Variants in ESYT3 observed in about 807,000 individuals in gnomAD.
ESYT3 encodes extended synaptotagmin-3.
Under a neutral mutation model 111.5 loss-of-function variants are expected in ESYT3, and 101 were observed. The observed-to-expected ratio is 0.91, with a 90% CI of 0.77 to 1.07. The LOEUF (loss-of-function observed/expected upper bound fraction) is 1.07. Ranked by LOEUF, ESYT3 falls within the 50% of genes least tolerant of loss-of-function variation. The pLI is 0.00. For missense variants in ESYT3, 1,097 were observed against 1,109.4 expected (o/e 0.99, Z 0.16); for synonymous variants, 416 against 446.8 (o/e 0.93, Z 0.87).
At position 138,459,227 on chromosome 3, in the gene ESYT3, A is replaced by G; in HGVS notation, c.622A>G (p.Ile208Val). The G allele has an allele frequency of 3.2e-6, 5 of 1,561,228 alleles. No homozygotes were observed. The highest frequency in any genetic ancestry group is 4.4e-6 in the Non-Finnish European group (5 of 1,147,144). The change falls in exon 5 of 23, where the codon ATT (isoleucine) becomes GTT (valine). Residue 208 changes from isoleucine to valine, a missense_variant. By Grantham distance (29) the Ile-to-Val change is conservative. Coordinates refer to ENST00000389567, the MANE Select transcript of ESYT3 (RefSeq NM_031913.5). ...TGAGATCAGTGTGGAGCTGCAGAAG[A>G]TTCAGGCTGGTGTGAACGGGATCCA... ...DCEISVELQK[I>V]QAGVNGIQLQ...
chr3:138,475,187 C>T (rs1213402924), intron 20 of ESYT3, among the ~76,000 whole-genome samples: 3 of 152,144 alleles, frequency 2.0e-5, no homozygotes, highest in African/African-American at 7.2e-5. Context: ...GCATCCTATA[C>T]TCTAGAGCCA....
rs1392773940 is a variant in ESYT3, at chr3:138,435,420, G to A, written c.327+295G>A. On this transcript the variant is annotated intron_variant, in intron 1 of 22. Coordinates refer to ENST00000389567, the MANE Select transcript of ESYT3 (RefSeq NM_031913.5). The surrounding 1 kb of genome is among the most constrained non-coding windows in gnomAD (Gnocchi z 4.8). ...GAAGAGTCACGGGCAGACCACACCC[G>A]GGAGAAAAACAAGGGCGTCTGGGAC... Among the ~76,000 whole-genome samples, 4 of 152,192 alleles carry A rather than the reference G, an allele frequency of 2.6e-5. No individual in the cohort carries two copies. The highest frequency in any genetic ancestry group is 9.6e-5 in the African/African-American group (4 of 41,452).
chr3:138,443,747 T>TGTGTGTGTGC (rs2108594894), intron 1 of ESYT3, among the ~76,000 whole-genome samples: 1 of 149,594 alleles, frequency 6.7e-6, no homozygotes, highest in African/African-American at 2.5e-5. Flanking sequence ...TGTGTGTGTG[T>TGTGTGTGTGC]GTGTGTGTGA....
chr3:138,461,740 G>A (rs1576451141), intron 7 of ESYT3, among the ~76,000 whole-genome samples: 2 of 152,310 alleles, frequency 1.3e-5, no homozygotes, highest in South Asian at 4.1e-4. Flanking sequence ...AGAGGTTAGC[G>A]ACTTGCCAAG....
At chr3:138,453,804 C>T (rs894185712) in intron 2 of ESYT3, among the ~76,000 whole-genome samples, 2 of 152,176 alleles carry the variant, frequency 1.3e-5, no homozygotes, top group Admixed American at 6.5e-5. Flanking sequence ...AAGCAGCAAC[C>T]TGCTTCTTCC....
Position 138,472,844 on chromosome 3 carries a change from T to C in ESYT3, c.2222T>C (p.Ile741Thr), listed in dbSNP as rs768909361. The change falls in exon 18 of 23, where the codon ATC becomes ACC. Residue 741 changes from isoleucine (I) to threonine (T), a missense_variant. By Grantham distance (89) the Ile-to-Thr change is moderately conservative. Transcript: ENST00000389567. ...TCTTCTTGCTTTGACCTGGCAGATA[T>C]CAGCCTCAACATTGAGTATGCACCT... ...LASSCFDLADISLNIEGGDLR... is the reference protein window; with the variant it reads ...LASSCFDLADTSLNIEGGDLR... The C allele has an allele frequency of 2.5e-6, 4 of 1,614,048 alleles. 1 individual carries two copies. The South Asian group carries it at 3.3e-5, about 13-fold the overall frequency.
intron 8 of ESYT3, among the ~76,000 whole-genome samples, chr3:138,462,760 T>G (rs1397091710): frequency 1.3e-5 from 2 of 152,150 alleles, no homozygotes; most frequent in Non-Finnish European, 2.9e-5. Flanking sequence ...CCTCCTGGGC[T>G]CAAGCAATCC....
intron 9 of ESYT3, 58 bp downstream of exon 9, chr3:138,464,573 A>G: frequency 6.3e-7 from 1 of 1,579,656 alleles, no homozygotes; most frequent in Admixed American, 1.7e-5. Context: ...GGCAGAGGCA[A>G]TCCAGGGGCA....
intron 1 of ESYT3, among the ~76,000 whole-genome samples, chr3:138,450,295 C>T (rs1016616243): frequency 4.6e-5 from 7 of 152,172 alleles, no homozygotes; most frequent in African/African-American, 7.2e-5. Flanking sequence ...TAGGAAGAAA[C>T]GGAAAGGTCT....
In ESYT3 at chr3:138,462,273, A is replaced by G. The variant is rs772938533; in HGVS notation, c.915+67A>G. Reference sequence around the variant, plus strand: ...CAGCGCAAATATCCTCTCAGCCTTCACATGTGGTGCATTGGCTTTATTTCA... The same window carrying G: ...CAGCGCAAATATCCTCTCAGCCTTCGCATGTGGTGCATTGGCTTTATTTCA... On this transcript the variant is annotated intron_variant, in intron 8 of 22. Transcript: ENST00000389567. 13 of 1,605,932 alleles carry G rather than the reference A, an allele frequency of 8.1e-6. No individual in the cohort carries two copies. In the East Asian group the frequency reaches 2.9e-4, roughly 36 times the overall value.
chr3:138,468,427 CT>C (rs2108624482), intron 12 of ESYT3, among the ~76,000 whole-genome samples: 1 of 152,262 alleles, frequency 6.6e-6, no homozygotes, highest in East Asian at 1.9e-4. Flanking sequence ...GTGTCAATGC[CT>C]GTCCTCCCAG....
chr3:138,443,845 C>G (rs1190315526), intron 1 of ESYT3, among the ~76,000 whole-genome samples: 2 of 152,122 alleles, frequency 1.3e-5, no homozygotes, highest in Non-Finnish European at 2.9e-5. Context: ...AAGTGAGGCT[C>G]CTTAGTCCCT....
intron 10 of ESYT3, among the ~76,000 whole-genome samples, chr3:138,465,950 C>T (rs2032906863): frequency 6.6e-6 from 1 of 152,180 alleles, no homozygotes; most frequent in African/African-American, 2.4e-5. Flanking sequence ...CAGAACTATC[C>T]ATAGAAGAAA....
chr3:138,462,093 TCAGA>T lies in ESYT3; in HGVS notation c.806_809del (p.Asp269AlafsTer17), dbSNP rs753834012. 6 of 1,613,956 alleles carry T rather than the reference TCAGA, an allele frequency of 3.7e-6. No homozygotes were observed. Among genetic ancestry groups the T allele is most frequent in the Non-Finnish European group, 5.1e-6 (6 of 1,180,010 alleles). ...GTCCTGCCTTGTGTCCAGTGATGTG[TCAGA>T]CAGCTTACTGGAGGACCTCATTGCC... On this transcript the variant is annotated frameshift_variant, in exon 8 of 23. Coordinates refer to ENST00000389567, the MANE Select transcript of ESYT3 (RefSeq NM_031913.5). LOFTEE classifies it high-confidence loss of function.
chr3:138,468,607 G>C (rs2033055047), intron 12 of ESYT3, 48 bp from the exon 13 acceptor site: 1 of 1,597,158 alleles, frequency 6.3e-7, no homozygotes. Flanking sequence ...ATCAGTCTTT[G>C]TGTCCTGCTG....
rs369834774 is a variant in ESYT3 at position 138,476,421 on chromosome 3, C to G, written c.2575-22C>G. 4.3e-6 allele frequency: 7 copies of G among 1,612,636 alleles called. No homozygotes were observed. In the African/African-American group the frequency reaches 9.3e-5, roughly 22 times the overall value. ...CTTAATGCAGTGTTTTGGAGGGGAA[C>G]TAATTATTTGTGATTATTTAGGTAC... On this transcript the variant is annotated intron_variant, in intron 21 of 22. Transcript: ENST00000389567.
chr3:138,471,360 C>T (rs1055936122), intron 17 of ESYT3, among the ~76,000 whole-genome samples: 2 of 152,174 alleles, frequency 1.3e-5, no homozygotes, highest in African/African-American at 2.4e-5. Context: ...CTCTCAAGAG[C>T]TATCTTCCAG....
At chr3:138,458,536 C>T (rs915148999) in intron 4 of ESYT3, among the ~76,000 whole-genome samples, 1 of 152,252 alleles carries the variant, frequency 6.6e-6, no homozygotes, top group Non-Finnish European at 1.5e-5. Context: ...CTGCCTGTGC[C>T]CTGCACATGT....
rs553798388 is a variant in ESYT3, at chr3:138,470,669, T to C, written c.1591-208T>C. ...ACAGACTAGCTCATACAGATCATAA[T>C]TGCCTCTACTCTGAGTCACTATCTT... is the stretch of plus-strand genomic sequence containing the variant. On this transcript the variant is annotated intron_variant, in intron 16 of 22. Transcript: ENST00000389567. 2.7e-5 allele frequency: 37 copies of C among 1,384,018 alleles called. No homozygotes were observed. In the African/African-American group the frequency reaches 4.5e-4, roughly 17 times the overall value. The allele number at this position is 1,384,018 out of a possible 1,614,324, so 85.7% of individuals were successfully genotyped here. A position where few individuals can be genotyped will look rare whatever the true frequency, so the allele number is the denominator to read the frequency against.
Sources: gnomAD v4.1 joint callset for allele counts (sites outside exome capture counted in the v4.1 genomes callset) on GRCh38, gnomAD v4.1.1 for gene constraint, Gnocchi (gnomAD v3.1) non-coding constraint, MANE v1.5 for transcripts, NCBI Gene and HGNC (gene_info 2026-07-23, HGNC 2026-07-21) for gene names.